Variants in NDC1 observed in about 807,000 individuals in gnomAD.
NDC1 encodes the protein nucleoporin NDC1.
A neutral mutation model predicts 89.8 loss-of-function variants in NDC1; 24 were observed. That is an observed-to-expected ratio of 0.27 (90% CI 0.19 to 0.38). The LOEUF (loss-of-function observed/expected upper bound fraction) is 0.38. Among genes scored for constraint, NDC1 ranks in the 10% least tolerant of loss-of-function variants. The probability of loss-of-function intolerance (pLI) is 1.00; values close to 1 mark genes in which losing one functional copy is unlikely to be tolerated. For missense variants in NDC1, 728 were observed against 797.6 expected (o/e 0.91, Z 1.05); for synonymous variants, 296 against 284.8 (o/e 1.04, Z -0.39).
intron 1 of NDC1, among the ~76,000 whole-genome samples, chr1:53,837,727 G>C (rs1181202): frequency 0.019 from 2,884 of 152,178 alleles, 97 homozygotes; most frequent in African/African-American, 0.065. Flanking sequence ...TGTTAATTCC[G>C]TAACTTTAAG....
At chr1:53,807,104 G>A (rs1469648088) in intron 8 of NDC1, among the ~76,000 whole-genome samples, 3 of 151,632 alleles carry the variant, frequency 2.0e-5, no homozygotes, top group Non-Finnish European at 2.9e-5. Context: ...AAAATTAGCC[G>A]GGCATGGTGG....
chr1:53,807,923 T>G, intron 7 of NDC1, 132 bp from the exon 8 acceptor site: 1 of 834,556 alleles, frequency 1.2e-6, no homozygotes, highest in South Asian at 1.8e-5. Flanking sequence ...TCCTTCGATA[T>G]CTTTATAAAG....
chr1:53,771,905 A>T (rs2100616460), intron 17 of NDC1, among the ~76,000 whole-genome samples: 1 of 152,294 alleles, frequency 6.6e-6, no homozygotes, highest in Admixed American at 6.5e-5. Flanking sequence ...TTCCAGCATG[A>T]ATCACAAAGC....
intron 9 of NDC1, among the ~76,000 whole-genome samples, chr1:53,806,074 A>C (rs77444847): frequency 6.7e-6 from 1 of 148,418 alleles, no homozygotes; most frequent in Non-Finnish European, 1.5e-5. Flanking sequence ...ACTCCGTCTC[A>C]AAAAAAAAAA....
intron 16 of NDC1, among the ~76,000 whole-genome samples, chr1:53,782,078 A>G (rs1221718479): frequency 6.6e-6 from 1 of 152,236 alleles, no homozygotes; most frequent in African/African-American, 2.4e-5. Context: ...GGGGGGAGTT[A>G]CAGAGTAGAG....
intron 11 of NDC1, 125 bp downstream of exon 11, chr1:53,800,568 G>T: frequency 1.1e-6 from 1 of 920,924 alleles, no homozygotes; most frequent in Non-Finnish European, 1.7e-6. Context: ...CTCATGATCC[G>T]CCCACCTCGG....
At chr1:53,787,736 G>A (rs1647351207) in intron 15 of NDC1, among the ~76,000 whole-genome samples, 1 of 150,758 alleles carries the variant, frequency 6.6e-6, no homozygotes, top group Admixed American at 6.6e-5. Flanking sequence ...CAAAAAAATT[G>A]GAATAGGCAC....
At position 53,796,764 on chromosome 1, in the gene NDC1, G is replaced by A. The variant is rs1309287855; in HGVS notation, c.1509C>T (p.Thr503=). 7 of 1,610,450 alleles carry A rather than the reference G, an allele frequency of 4.3e-6. No homozygotes were observed. The highest frequency in any genetic ancestry group is 5.9e-6 in the Non-Finnish European group (7 of 1,179,138). ...MTEFSNPSPS[T]SISAEGKTMR... is the part of the protein sequence containing the mutation. ...TTGTCTTACCCTCAGCACTAATAGA[G>A]GTAGATGGAGAAGGATTAGAAAATT... The change falls in exon 13 of 18, where the codon ACC becomes ACT. Residue 503 remains threonine, a synonymous_variant. Transcript: ENST00000371429.
intron 1 of NDC1, 117 bp downstream of exon 1, chr1:53,838,088 C>T: frequency 1.1e-6 from 1 of 903,084 alleles, no homozygotes; most frequent in Non-Finnish European, 1.7e-6. Flanking sequence ...CTTCCCCACG[C>T]GTTCTCTCCA....
intron 14 of NDC1, among the ~76,000 whole-genome samples, chr1:53,790,137 G>A (rs926452738): frequency 6.6e-6 from 1 of 151,636 alleles, no homozygotes; most frequent in Non-Finnish European, 1.5e-5. Flanking sequence ...CGATGAGGTG[G>A]GTGGATCACC....
chr1:53,832,516 CTTATTA>C lies in NDC1; in HGVS notation c.248_253del (p.Ile83_Ile84del), dbSNP rs577226450. 1.9e-6 allele frequency: 3 copies of C among 1,587,548 alleles called. No homozygotes were observed. Among genetic ancestry groups the C allele is most frequent in the Admixed American group, 1.7e-5 (1 of 59,856 alleles). On this transcript the variant is annotated inframe_deletion, in exon 3 of 18. Transcript: ENST00000371429. Reference sequence around the variant, plus strand: ...TGCATAGAACTCCACATTGAAAATACTTATTATTATTATTACCACTGACAGCAGCAG... The same window carrying C: ...TGCATAGAACTCCACATTGAAAATACTTATTATTACCACTGACAGCAGCAG...
intron 17 of NDC1, 33 bp downstream of exon 17, chr1:53,772,296 G>T: frequency 6.2e-7 from 1 of 1,600,036 alleles, no homozygotes; most frequent in Non-Finnish European, 8.6e-7. Flanking sequence ...CCCCAGAATA[G>T]GTATCATCAT....
intron 3 of NDC1, among the ~76,000 whole-genome samples, chr1:53,832,279 CATATA>C (rs1470922855): frequency 5.9e-5 from 9 of 152,134 alleles, no homozygotes; most frequent in Non-Finnish European, 1.3e-4. Flanking sequence ...TAAGTAGAAT[CATATA>C]ATATTTGTCC....
intron 11 of NDC1, among the ~76,000 whole-genome samples, chr1:53,799,877 C>T (rs1338676998): frequency 1.3e-5 from 2 of 152,166 alleles, no homozygotes; most frequent in African/African-American, 4.8e-5. Context: ...GGTTCCTCCA[C>T]CTCTACTTCT....
chr1:53,798,576 A>G (rs113141812), intron 11 of NDC1, among the ~76,000 whole-genome samples: 2 of 149,306 alleles, frequency 1.3e-5, no homozygotes, highest in African/African-American at 4.9e-5. Context: ...TCTCCTTAAG[A>G]AGGAGTCTCA....
At chr1:53,768,640 T>C (rs1459756274) in intron 17 of NDC1, among the ~76,000 whole-genome samples, 2 of 152,210 alleles carry the variant, frequency 1.3e-5, no homozygotes, top group African/African-American at 4.8e-5. Flanking sequence ...TAATACTTCC[T>C]CTTAAACTTT....
In NDC1 at chr1:53,765,963, A is replaced by G. The variant is rs1392647527; in HGVS notation, c.*2007T>C. ...CAGATGGTGTGTAGATTATCAACACACAATGAGAAAAAGAAACTGACCCCC... is the reference window on the plus strand; with the variant it reads ...CAGATGGTGTGTAGATTATCAACACGCAATGAGAAAAAGAAACTGACCCCC... On this transcript the variant is annotated 3_prime_UTR_variant, in exon 18 of 18. Transcript: ENST00000371429. The G allele has an allele frequency of 6.6e-6, 1 of 152,034 alleles. No individual in the cohort carries two copies. Among genetic ancestry groups the G allele is most frequent in the African/African-American group, 2.4e-5 (1 of 41,368 alleles). 9.4% of individuals were successfully genotyped at this position (152,034 alleles called of 1,614,324 possible).
chr1:53,827,723 C>A (rs1278499829), intron 4 of NDC1, among the ~76,000 whole-genome samples: 5 of 152,214 alleles, frequency 3.3e-5, no homozygotes, highest in African/African-American at 7.2e-5. Context: ...CATCCCTCTG[C>A]ATCCATGTCT....
rs201960005 is a variant in NDC1, at chr1:53,800,971, GA to G, written c.1067-124del. On this transcript the variant is annotated intron_variant, in intron 10 of 17. Transcript: ENST00000371429. ...GGCATCAGGACCCACTTTTCTTAGTGAAGCTACTATTTATACTCATGACATC... is the reference window on the plus strand; with the variant it reads ...GGCATCAGGACCCACTTTTCTTAGTGAGCTACTATTTATACTCATGACATC... 2.0e-3 allele frequency: 1,548 copies of G among 793,346 alleles called. 16 individuals carry two copies. In the African/African-American group the frequency reaches 0.025, roughly 13 times the overall value. 49.1% of individuals were successfully genotyped at this position (793,346 alleles called of 1,614,324 possible). A position where few individuals can be genotyped will look rare whatever the true frequency, so the allele number is the denominator to read the frequency against.
Sources: allele counts gnomAD v4.1 joint callset (sites outside exome capture counted in the v4.1 genomes callset), GRCh38; gene constraint gnomAD v4.1.1; transcripts MANE v1.5; gene names NCBI Gene and HGNC (gene_info 2026-07-23, HGNC 2026-07-21).